FNIP1: variants seen among roughly 807,000 people sequenced by gnomAD.
FNIP1 encodes the protein folliculin interacting protein 1.
A neutral mutation model predicts 124.5 loss-of-function variants in FNIP1; 40 were observed. The ratio of observed to expected loss-of-function variants is 0.32; its 90% confidence interval spans 0.25 to 0.42. The LOEUF (loss-of-function observed/expected upper bound fraction) is 0.42, where lower values mean the gene tolerates loss of function less well. Ranked by LOEUF, FNIP1 falls within the 10% of genes least tolerant of loss-of-function variation. FNIP1 has a pLI of 1.00. For missense variants in FNIP1, 1,176 were observed against 1,403.7 expected (o/e 0.84, Z 2.59); for synonymous variants, 472 against 470.6 (o/e 1.00, Z -0.04).
chr5:131,698,927 T>C lies in FNIP1; in HGVS notation c.1192A>G (p.Asn398Asp), dbSNP rs750092848. Residue 398 changes from asparagine to aspartate, a missense_variant, in exon 11 of 18, where the codon AAT becomes GAT. Coordinates refer to ENST00000510461, the MANE Select transcript of FNIP1 (RefSeq NM_133372.3). ...CTGGGCAATATGTACCTGAATTCAT[T>C]TAGGGCATCAACTATTCGATTATAT... ...LAYNRIVDAL[N>D]EFRTTICNLY... The C allele has an allele frequency of 6.2e-7, 1 of 1,609,478 alleles. No homozygotes were observed. The highest frequency in any genetic ancestry group is 1.1e-5 in the South Asian group (1 of 90,096).
chr5:131,754,380 G>A (rs575126746), intron 1 of FNIP1, among the ~76,000 whole-genome samples: 1 of 152,266 alleles, frequency 6.6e-6, no homozygotes, highest in East Asian at 1.9e-4. Flanking sequence ...GTTTACTGAA[G>A]AAAAATCATA....
intron 2 of FNIP1, among the ~76,000 whole-genome samples, chr5:131,740,531 T>C (rs59830580): frequency 1.3e-5 from 2 of 152,154 alleles, no homozygotes; most frequent in African/African-American, 2.4e-5. Flanking sequence ...TGAAATAGCA[T>C]TGCACTGTTG....
intron 3 of FNIP1, among the ~76,000 whole-genome samples, chr5:131,726,165 T>C (rs1299510292): frequency 6.6e-6 from 1 of 152,204 alleles, no homozygotes; most frequent in Non-Finnish European, 1.5e-5. Context: ...CTTTTTTTGT[T>C]GTGTCTCTGC....
Position 131,644,527 on chromosome 5 carries a change from A to T in FNIP1, c.*158T>A. 6 of 518,234 alleles carry T rather than the reference A, an allele frequency of 1.2e-5. No homozygotes were observed. In the South Asian group the frequency reaches 1.7e-4, roughly 15 times the overall value. 32.1% of individuals were successfully genotyped at this position (518,234 alleles called of 1,614,324 possible). ...CCAGTCAAAAAGAAAAAGCCATCTG[A>T]CATACACAGAATATACAATGCTATG... On this transcript the variant is annotated 3_prime_UTR_variant, in exon 18 of 18. Transcript: ENST00000510461.
intron 15 of FNIP1, among the ~76,000 whole-genome samples, chr5:131,660,564 C>T (rs1166715309): frequency 2.0e-5 from 3 of 152,100 alleles, no homozygotes; most frequent in African/African-American, 7.2e-5. Context: ...ACCTGGCCAC[C>T]GCACCCCTTT....
In FNIP1 at chr5:131,672,457, C is replaced by T. The variant is rs1457673263; in HGVS notation, c.1987G>A (p.Val663Ile). The T allele has an allele frequency of 1.2e-6, 2 of 1,613,384 alleles. No individual in the cohort carries two copies. Among genetic ancestry groups the T allele is most frequent in the Non-Finnish European group, 1.7e-6 (2 of 1,180,030 alleles). Residue 663 changes from valine to isoleucine, a missense_variant, in exon 14 of 18, where the codon GTT (valine) becomes ATT (isoleucine). By Grantham distance (29) the Val-to-Ile change is conservative. Transcript: ENST00000510461. ...CTTAATTTATCTCTGTACTGTTTAA[C>T]ATCAACAGCATTTTCTTCTTGGCAG... is the stretch of plus-strand genomic sequence containing the variant. ...SDCQEENAVD[V>I]KQYRDKLRTC...
chr5:131,664,942 T>G (rs1309950089), intron 15 of FNIP1, among the ~76,000 whole-genome samples: 8 of 151,012 alleles, frequency 5.3e-5, no homozygotes, highest in Admixed American at 5.3e-4. Flanking sequence ...ATCTGTGTAT[T>G]TATATATAAA....
chr5:131,677,027 C>T (rs1388250363), intron 13 of FNIP1, among the ~76,000 whole-genome samples: 8 of 152,170 alleles, frequency 5.3e-5, no homozygotes, highest in Non-Finnish European at 8.8e-5. Flanking sequence ...TTAGCAGCTA[C>T]GTTTACGAGA....
intron 11 of FNIP1, among the ~76,000 whole-genome samples, chr5:131,693,085 ATAT>A (rs1768536546): frequency 6.6e-6 from 1 of 150,972 alleles, no homozygotes; most frequent in Non-Finnish European, 1.5e-5. Flanking sequence ...GTTAATAATA[ATAT>A]TATATACTGG....
Position 131,731,060 on chromosome 5 carries a change from C to A in FNIP1, c.220-22G>T, listed in dbSNP as rs141797934. 3.5e-5 allele frequency: 55 copies of A among 1,586,760 alleles called. No individual in the cohort carries two copies. The East Asian group carries it at 1.1e-3, about 32-fold the overall frequency. ...GTTTCTGAAATAACAGATATTTCCA[C>A]TCATGTTTTAACAGATTTTTAACCA... On this transcript the variant is annotated intron_variant, in intron 2 of 17. Transcript: ENST00000510461.
chr5:131,774,500 T>C (rs1400289001), intron 1 of FNIP1, among the ~76,000 whole-genome samples: 1 of 152,166 alleles, frequency 6.6e-6, no homozygotes, highest in Admixed American at 6.5e-5. Flanking sequence ...CTATCTTTCA[T>C]TTCACACCCT....
At chr5:131,734,494 A>C (rs1307602920) in intron 2 of FNIP1, among the ~76,000 whole-genome samples, 1 of 152,232 alleles carries the variant, frequency 6.6e-6, no homozygotes, top group Non-Finnish European at 1.5e-5. Context: ...TTGGCACAGC[A>C]AAAGAAACTA....
intron 1 of FNIP1, among the ~76,000 whole-genome samples, chr5:131,750,034 C>T (rs1770817934): frequency 6.6e-6 from 1 of 152,070 alleles, no homozygotes; most frequent in Non-Finnish European, 1.5e-5. Flanking sequence ...ATCTACATAA[C>T]GTTGAAGACT....
chr5:131,679,325 G>A (rs1768004574), intron 11 of FNIP1, 150 bp from the exon 12 acceptor site: 1 of 606,188 alleles, frequency 1.6e-6, no homozygotes, highest in Non-Finnish European at 2.9e-6. Flanking sequence ...TTCTTTCCTT[G>A]TCAACAACAC....
At chr5:131,678,324 G>A (rs1332946185) in intron 12 of FNIP1, among the ~76,000 whole-genome samples, 1 of 152,140 alleles carries the variant, frequency 6.6e-6, no homozygotes, top group Non-Finnish European at 1.5e-5. Context: ...GGATTCCAAA[G>A]ACTTGAATAG....
At chr5:131,779,531 T>C (rs1421369926) in intron 1 of FNIP1, among the ~76,000 whole-genome samples, 1 of 139,954 alleles carries the variant, frequency 7.1e-6, no homozygotes. Context: ...AAAAAAAAAA[T>C]ACAAAAATTA....
At chr5:131,695,898 G>A (rs904940026) in intron 11 of FNIP1, among the ~76,000 whole-genome samples, 1 of 152,148 alleles carries the variant, frequency 6.6e-6, no homozygotes, top group Non-Finnish European at 1.5e-5. Flanking sequence ...CTTAATATGG[G>A]CTTCTTTTTC....
Position 131,647,131 on chromosome 5 carries a change from C to A in FNIP1, c.3381G>T (p.Gly1127=), listed in dbSNP as rs779625091. ...GCTCCTTGACATGAACACGCATCTG[C>A]CCCCTCAGGTATTCAGACAGCATTT... ...KSKMLSEYLR[G]QMRVHVKELG... The change falls in exon 17 of 18, where the codon GGG becomes GGT. Residue 1127 remains glycine (G), a synonymous_variant. Transcript: ENST00000510461. 2 of 1,614,014 alleles carry A rather than the reference C, an allele frequency of 1.2e-6. No individual in the cohort carries two copies. Among genetic ancestry groups the A allele is most frequent in the African/African-American group, 2.7e-5 (2 of 74,930 alleles).
At chr5:131,719,668 C>G (rs759460855) in intron 3 of FNIP1, among the ~76,000 whole-genome samples, 4 of 152,114 alleles carry the variant, frequency 2.6e-5, no homozygotes, top group Non-Finnish European at 5.9e-5. Flanking sequence ...GAAAATACTA[C>G]AGTTTGTCAG....
Sources: allele counts gnomAD v4.1 joint callset (sites outside exome capture counted in the v4.1 genomes callset), GRCh38; gene constraint gnomAD v4.1.1; transcripts MANE v1.5; gene names NCBI Gene and HGNC (gene_info 2026-07-23, HGNC 2026-07-21).